SH3GLB2: variants seen among roughly 807,000 people sequenced by gnomAD.
The protein encoded by SH3GLB2 is SH3 domain containing GRB2 like, endophilin B2.
In SH3GLB2, 24 loss-of-function variants were observed where a neutral mutation model predicts 48.0. The observed-to-expected ratio is 0.50, with a 90% CI of 0.36 to 0.70. SH3GLB2 has a LOEUF of 0.70. SH3GLB2 is among the 30% of genes least tolerant of loss of function. SH3GLB2 has a pLI of 0.00. For synonymous variants in SH3GLB2, 227 were observed against 207.6 expected, an observed-to-expected ratio of 1.09 and a Z score of -0.80; for missense variants, 425 against 516.0, an observed-to-expected ratio of 0.82 and a Z score of 1.71.
intron 3 of SH3GLB2, among the ~76,000 whole-genome samples, chr9:129,018,871 G>A (rs1373264863): frequency 6.7e-6 from 1 of 148,746 alleles, no homozygotes; most frequent in African/African-American, 2.5e-5. Context: ...CAGCCTGGGT[G>A]ACAGAGTGAG....
chr9:129,013,098 G>T, intron 5 of SH3GLB2: 1 of 1,508,430 alleles, frequency 6.6e-7, no homozygotes, highest in South Asian at 1.2e-5. Context: ...GCAGGAGCAG[G>T]CCCCCCAGGC....
intron 3 of SH3GLB2, among the ~76,000 whole-genome samples, chr9:129,019,096 T>C (rs868425734): frequency 1.4e-5 from 2 of 142,598 alleles, no homozygotes; most frequent in South Asian, 2.2e-4. Context: ...TTCTTTAAAT[T>C]AGACTGTGGG....
intron 5 of SH3GLB2, chr9:129,013,977 A>G (rs769924880): frequency 4.3e-6 from 2 of 461,156 alleles, no homozygotes; most frequent in Non-Finnish European, 8.7e-6. Flanking sequence ...CGGGCGGTCC[A>G]GCTCCCAGGT....
At chr9:129,009,629 T>C in intron 9 of SH3GLB2, 142 bp downstream of exon 9, 1 of 1,381,902 alleles carries the variant, frequency 7.2e-7, no homozygotes, top group Non-Finnish European at 1.0e-6. Context: ...ACACATGAGA[T>C]GCCCGCACCC....
At chr9:129,012,914 T>C (rs1843207069) in intron 5 of SH3GLB2, 17 of 1,492,988 alleles carry the variant, frequency 1.1e-5, no homozygotes, top group Non-Finnish European at 1.6e-5. Context: ...GCTTGCAAAA[T>C]GCCCCAAGGA....
Position 129,022,447 on chromosome 9 carries a change from G to C in SH3GLB2, c.64-24C>G, listed in dbSNP as rs559217247. ...AACTACGCAGAGGGGAAGGCCAAGG[G>C]GTGGGGAGGGGGAGAGCTCAGAAGG... On this transcript the variant is annotated intron_variant, in intron 1 of 10. Coordinates refer to ENST00000372564, the MANE Select transcript of SH3GLB2 (RefSeq NM_020145.4). 2.1e-5 allele frequency: 33 copies of C among 1,609,090 alleles called. No homozygotes were observed. In the Admixed American group the frequency reaches 5.2e-4, roughly 25 times the overall value.
chr9:129,017,326 G>A (rs1456878990), intron 3 of SH3GLB2, among the ~76,000 whole-genome samples: 2 of 152,034 alleles, frequency 1.3e-5, no homozygotes, highest in Non-Finnish European at 2.9e-5. Flanking sequence ...ACTATTAACC[G>A]ATGTGGCCTC....
chr9:129,013,133 G>A (rs1843222057), intron 5 of SH3GLB2: 1 of 1,217,112 alleles, frequency 8.2e-7, no homozygotes, highest in Admixed American at 2.0e-5. Context: ...ACACCAGGCG[G>A]TCGGGCGGAG....
At position 129,014,344 on chromosome 9, in the gene SH3GLB2, A is replaced by C; in HGVS notation, c.561+67T>G. 3 of 1,446,816 alleles carry C rather than the reference A, an allele frequency of 2.1e-6. No homozygotes were observed. In the East Asian group the frequency reaches 7.4e-5, roughly 36 times the overall value. The allele number at this position is 1,446,816 out of a possible 1,614,324, so 89.6% of individuals were successfully genotyped here. On this transcript the variant is annotated intron_variant, in intron 5 of 10. Transcript: ENST00000372564. This position sits in a 1 kb window ranked among gnomAD's most constrained non-coding sequence, Gnocchi z 4.1. ...GTCATGCCAAATACCAGGTCCCTTC[A>C]TGCCACCACCCCTTGGCTCCAGCCA...
Position 129,014,628 on chromosome 9 carries a change from A to C in SH3GLB2, c.469-125T>G. On this transcript the variant is annotated intron_variant, in intron 4 of 10. Transcript: ENST00000372564. This position sits in a 1 kb window ranked among gnomAD's most constrained non-coding sequence, Gnocchi z 4.1. Reference sequence around the variant, plus strand: ...AGGGAAACTGAGGCCCAGAGATAGGAGGTCACTCAGTCCAAAGGAGCCCTC... The same window carrying C: ...AGGGAAACTGAGGCCCAGAGATAGGCGGTCACTCAGTCCAAAGGAGCCCTC... 6.7e-7 allele frequency: 1 copy of C among 1,482,216 alleles called. No individual in the cohort carries two copies. Among genetic ancestry groups the C allele is most frequent in the Non-Finnish European group, 9.3e-7 (1 of 1,074,518 alleles). 91.8% of individuals were successfully genotyped at this position (1,482,216 alleles called of 1,614,324 possible).
At chr9:129,020,113 G>A (rs1843689170) in intron 3 of SH3GLB2, among the ~76,000 whole-genome samples, 1 of 145,386 alleles carries the variant, frequency 6.9e-6, no homozygotes, top group Non-Finnish European at 1.5e-5. Context: ...GGCTGAGGCA[G>A]GAGAATTGCT....
intron 5 of SH3GLB2, chr9:129,012,786 C>CGG: frequency 1.7e-6 from 1 of 592,868 alleles, no homozygotes; most frequent in Admixed American, 2.9e-5. Context: ...GATGCATGGG[C>CGG]AGACAGAGTG....
intron 2 of SH3GLB2, 68 bp from the exon 3 acceptor site, chr9:129,021,287 A>T: frequency 1.3e-6 from 2 of 1,490,116 alleles, no homozygotes; most frequent in Non-Finnish European, 1.8e-6. Flanking sequence ...ACAGAAACAG[A>T]CCCAGACCCG....
chr9:129,026,852 G>A (rs1474635379), intron 1 of SH3GLB2, among the ~76,000 whole-genome samples: 1 of 152,230 alleles, frequency 6.6e-6, no homozygotes, highest in Non-Finnish European at 1.5e-5. Context: ...GGCTGGGGCT[G>A]CCCACCAGAC....
At chr9:129,025,263 C>CAAAAAAAA (rs530346854) in intron 1 of SH3GLB2, among the ~76,000 whole-genome samples, 1 of 33,484 alleles carries the variant, frequency 3.0e-5, no homozygotes, top group African/African-American at 1.1e-4. Flanking sequence ...GACTCCGTCT[C>CAAAAAAAA]AAAAAAAAAA....
Position 129,010,725 on chromosome 9 carries a change from G to A in SH3GLB2, c.625-32C>T, listed in dbSNP as rs376673323. On this transcript the variant is annotated intron_variant, in intron 6 of 10. Transcript: ENST00000372564. ...AGACGGCAGCAGGAGTGGCCAGCAG[G>A]GGAGGGGAGAGGAGGACAGCTGGAC... 38 of 1,613,682 alleles carry A rather than the reference G, an allele frequency of 2.4e-5. No individual in the cohort carries two copies. The African/African-American group carries it at 4.7e-4, about 20-fold the overall frequency.
At position 129,014,870 on chromosome 9, in the gene SH3GLB2, C is replaced by T; in HGVS notation, c.369G>A (p.Lys123=). Residue 123 remains lysine (K), a synonymous_variant, in exon 4 of 11, where the codon AAG becomes AAA. Transcript: ENST00000372564. This position sits in a 1 kb window ranked among gnomAD's most constrained non-coding sequence, Gnocchi z 4.1. ...AATCCCTCTCCGCGGCTCCCAGTTG[C>T]TTTTCAGCTTCTGCCACCTTGATCA... ...KTLIKVAEAE[K]QLGAAERDFI... 1 of 1,614,042 alleles carries T rather than the reference C, an allele frequency of 6.2e-7. No individual in the cohort carries two copies.
At position 129,011,808 on chromosome 9, in the gene SH3GLB2, C is replaced by T. The variant is rs1843139630; in HGVS notation, c.624+428G>A. On this transcript the variant is annotated intron_variant, in intron 6 of 10. Coordinates refer to ENST00000372564, the MANE Select transcript of SH3GLB2 (RefSeq NM_020145.4). The surrounding 1 kb of genome is among the most constrained non-coding windows in gnomAD (Gnocchi z 4.5). ...CCCCAGGCGCTCTCCAGGCCTACGACGCCATCCCTGCCTCCTGTCTTTAGG... is the reference window on the plus strand; with the variant it reads ...CCCCAGGCGCTCTCCAGGCCTACGATGCCATCCCTGCCTCCTGTCTTTAGG... 2 of 164,968 alleles carry T rather than the reference C, an allele frequency of 1.2e-5. No homozygotes were observed. The highest frequency in any genetic ancestry group is 2.4e-5 in the African/African-American group (1 of 41,966). The allele number at this position is 164,968 out of a possible 1,614,324, so 10.2% of individuals were successfully genotyped here. A position where few individuals can be genotyped will look rare whatever the true frequency, so the allele number is the denominator to read the frequency against.
chr9:129,017,870 C>A (rs759309824), intron 3 of SH3GLB2, among the ~76,000 whole-genome samples: 9 of 150,558 alleles, frequency 6.0e-5, no homozygotes, highest in Non-Finnish European at 1.2e-4. Context: ...TGCACTCCAG[C>A]CTGGGCGACA....
Sources: gnomAD v4.1 joint callset for allele counts (sites outside exome capture counted in the v4.1 genomes callset) on GRCh38, gnomAD v4.1.1 for gene constraint, Gnocchi (gnomAD v3.1) non-coding constraint, MANE v1.5 for transcripts, NCBI Gene and HGNC (gene_info 2026-07-23, HGNC 2026-07-21) for gene names.